The following CSMD2 variants were observed in gnomAD, a reference collection of about 807,000 sequenced individuals.
CSMD2 encodes the protein CUB and sushi domain-containing protein 2.
CSMD2 carries 130 observed loss-of-function variants against 398.5 expected under a neutral mutation model. The ratio of observed to expected loss-of-function variants is 0.33; its 90% CI spans 0.28 to 0.38. The LOEUF (loss-of-function observed/expected upper bound fraction) is 0.38, where lower values mean the gene tolerates loss of function less well. CSMD2 is among the 10% of genes least tolerant of loss of function. CSMD2 has a pLI of 1.00. For synonymous variants in CSMD2, 1,828 were observed against 1,908.5 expected (o/e 0.96, Z 1.10); for missense variants, 3,829 against 4,764.9 (o/e 0.80, Z 5.78).
intron 22 of CSMD2, among the ~76,000 whole-genome samples, chr1:33,704,213 T>C (rs1645701321): frequency 6.6e-6 from 1 of 152,176 alleles, no homozygotes; most frequent in African/African-American, 2.4e-5. Flanking sequence ...TGAATTTTCT[T>C]ATTGATTTTG....
chr1:33,688,097 G>C (rs1274752524), intron 25 of CSMD2, among the ~76,000 whole-genome samples: 1 of 152,130 alleles, frequency 6.6e-6, no homozygotes, highest in Non-Finnish European at 1.5e-5. Context: ...TATATCCTAA[G>C]GAAATAAATG....
intron 2 of CSMD2, among the ~76,000 whole-genome samples, chr1:34,072,667 G>A (rs567103356): frequency 6.6e-6 from 1 of 152,314 alleles, no homozygotes. Flanking sequence ...CAGACTTGGT[G>A]AATGAGCAAG....
chr1:33,767,270 G>A (rs945545001), intron 13 of CSMD2, among the ~76,000 whole-genome samples: 1 of 152,104 alleles, frequency 6.6e-6, no homozygotes, highest in Non-Finnish European at 1.5e-5. Context: ...AGATGGGTAA[G>A]AATAAAAAAA....
intron 2 of CSMD2, among the ~76,000 whole-genome samples, chr1:34,057,312 T>C (rs957762334): frequency 1.3e-5 from 2 of 152,190 alleles, no homozygotes; most frequent in Admixed American, 6.5e-5. Flanking sequence ...CCACCCAGGA[T>C]GCCACGCCAA....
intron 1 of CSMD2, among the ~76,000 whole-genome samples, chr1:34,139,217 C>T (rs369421461): frequency 6.6e-6 from 1 of 152,042 alleles, no homozygotes; most frequent in African/African-American, 2.4e-5. Context: ...CATAGATTAA[C>T]GGGGTAATGG....
At chr1:34,146,977 G>A (rs142511983) in intron 1 of CSMD2, among the ~76,000 whole-genome samples, 223 of 152,298 alleles carry the variant, frequency 1.5e-3, no homozygotes, top group Non-Finnish European at 1.9e-3. Flanking sequence ...AAAGGATAAG[G>A]CCTGGCGCGG....
chr1:33,804,980 T>C (rs1656057500), intron 10 of CSMD2: 1 of 698,426 alleles, frequency 1.4e-6, no homozygotes, highest in Non-Finnish European at 2.7e-6. Context: ...ACAGAGATAT[T>C]AGAAACACTG....
chr1:34,158,189 C>T (rs951639028), intron 1 of CSMD2, among the ~76,000 whole-genome samples: 2 of 152,168 alleles, frequency 1.3e-5, no homozygotes, highest in Non-Finnish European at 2.9e-5. Context: ...AGTAGAGAAA[C>T]TCCCACGTTG....
chr1:33,539,878 G>A (rs1274723744), intron 60 of CSMD2, among the ~76,000 whole-genome samples: 5 of 152,118 alleles, frequency 3.3e-5, no homozygotes, highest in African/African-American at 1.2e-4. Context: ...AATTTTCAGA[G>A]GAACCCAAAA....
chr1:33,599,344 G>A (rs1476067828), intron 44 of CSMD2: 1 of 152,172 alleles, frequency 6.6e-6, no homozygotes, highest in East Asian at 1.9e-4. Context: ...TTTACACCAA[G>A]CCTGTCAATA....
chr1:34,025,212 AGAT>A (rs1404484015), intron 3 of CSMD2, among the ~76,000 whole-genome samples: 9 of 152,166 alleles, frequency 5.9e-5, no homozygotes, highest in Non-Finnish European at 1.3e-4. Context: ...CCTTATACAG[AGAT>A]GATATTACCG....
chr1:33,658,517 T>A (rs1185180405), intron 26 of CSMD2, among the ~76,000 whole-genome samples: 1 of 152,220 alleles, frequency 6.6e-6, no homozygotes, highest in African/African-American at 2.4e-5. Flanking sequence ...TGCAATTTTG[T>A]ATAATGTAAC....
At chr1:33,908,067 C>A (rs6425862) in intron 5 of CSMD2, among the ~76,000 whole-genome samples, 2 of 136,204 alleles carry the variant, frequency 1.5e-5, no homozygotes, top group African/African-American at 2.7e-5. Context: ...GCCTGGCTGA[C>A]AGAGCAAGAC....
At chr1:33,694,438 T>A (rs563507980) in intron 24 of CSMD2, among the ~76,000 whole-genome samples, 1 of 152,282 alleles carries the variant, frequency 6.6e-6, no homozygotes, top group African/African-American at 2.4e-5. Flanking sequence ...AGGAACCTGG[T>A]GGGAGGTGAC....
At chr1:34,064,798 GAA>G (rs1296177593) in intron 2 of CSMD2, among the ~76,000 whole-genome samples, 2 of 152,140 alleles carry the variant, frequency 1.3e-5, no homozygotes, top group Non-Finnish European at 2.9e-5. Context: ...AGACTGGGAA[GAA>G]AAAGAGGTTT....
chr1:34,092,555 C>T (rs941836971), intron 1 of CSMD2, among the ~76,000 whole-genome samples: 3 of 151,948 alleles, frequency 2.0e-5, no homozygotes, highest in African/African-American at 4.8e-5. Flanking sequence ...GTGCGCGCAC[C>T]GTGCACGAGC....
chr1:33,893,849 G>GCATT (rs1260929436), intron 5 of CSMD2, among the ~76,000 whole-genome samples: 1 of 152,182 alleles, frequency 6.6e-6, no homozygotes, highest in Non-Finnish European at 1.5e-5. Context: ...AAATCTCAAT[G>GCATT]GTTAATTGCC....
chr1:33,984,532 G>C (rs1646282350), intron 3 of CSMD2, among the ~76,000 whole-genome samples: 1 of 152,178 alleles, frequency 6.6e-6, no homozygotes, highest in Admixed American at 6.5e-5. Context: ...GGGTGCAGTG[G>C]CTCACGCCTG....
chr1:33,674,186 T>C (rs1231068180), intron 25 of CSMD2, among the ~76,000 whole-genome samples: 1 of 152,128 alleles, frequency 6.6e-6, no homozygotes, highest in African/African-American at 2.4e-5. Context: ...AGTCAAGACC[T>C]ATCAGTGTGC....
Sources: allele counts gnomAD v4.1 joint callset (sites outside exome capture counted in the v4.1 genomes callset), GRCh38; gene constraint gnomAD v4.1.1; transcripts MANE v1.5; gene names NCBI Gene and HGNC (gene_info 2026-07-23, HGNC 2026-07-21).